The following PBX1 variants were observed in gnomAD, a reference collection of about 807,000 sequenced individuals.
The protein encoded by PBX1 is PBX homeobox 1.
PBX1 carries 6 observed loss-of-function variants against 53.4 expected under a neutral mutation model. That is an observed-to-expected ratio of 0.11 (90% CI 0.06 to 0.22). The LOEUF is 0.22. PBX1 is among the 10% of genes least tolerant of loss of function. The pLI, the probability that PBX1 is intolerant of heterozygous loss-of-function variation, is 1.00. For missense variants in PBX1, 251 were observed against 551.4 expected (o/e 0.46, Z 5.46); for synonymous variants, 204 against 212.3 (o/e 0.96, Z 0.34).
intron 2 of PBX1, among the ~76,000 whole-genome samples, chr1:164,714,910 T>C (rs1009896558): frequency 3.9e-5 from 6 of 152,252 alleles, no homozygotes; most frequent in Admixed American, 3.3e-4. Flanking sequence ...TTTTGATGAC[T>C]ATTTTGTGAT....
chr1:164,734,349 A>AC (rs1665157197), intron 2 of PBX1, among the ~76,000 whole-genome samples: 1 of 152,238 alleles, frequency 6.6e-6, no homozygotes, highest in Non-Finnish European at 1.5e-5. Flanking sequence ...TACAGAAAAT[A>AC]TAAAAACTAC....
intron 2 of PBX1, among the ~76,000 whole-genome samples, chr1:164,749,546 G>A (rs140587730): frequency 1.8e-3 from 267 of 152,232 alleles, no homozygotes; most frequent in African/African-American, 5.8e-3. Context: ...TCAGGTATTT[G>A]ATTTGGAGTT....
At chr1:164,821,154 T>A (rs1670135447) in intron 7 of PBX1, among the ~76,000 whole-genome samples, 1 of 152,140 alleles carries the variant, frequency 6.6e-6, no homozygotes, top group South Asian at 2.1e-4. Flanking sequence ...TTTTATAGGA[T>A]ACCCAGCAAA....
intron 2 of PBX1, among the ~76,000 whole-genome samples, chr1:164,719,051 C>G (rs1460308583): frequency 6.6e-6 from 1 of 152,128 alleles, no homozygotes; most frequent in Non-Finnish European, 1.5e-5. Flanking sequence ...CAGAATTCTA[C>G]TCAGCCTTGC....
At chr1:164,883,109 G>A (rs922638500) in intron 2 of PBX1, among the ~76,000 whole-genome samples, 1 of 152,164 alleles carries the variant, frequency 6.6e-6, no homozygotes, top group African/African-American at 2.4e-5. Context: ...TCTTGCTAGA[G>A]AATCTATTCT....
At chr1:164,728,047 G>A (rs569249576) in intron 2 of PBX1, among the ~76,000 whole-genome samples, 2 of 152,302 alleles carry the variant, frequency 1.3e-5, no homozygotes, top group Admixed American at 1.3e-4. Flanking sequence ...GAGCCAGGCT[G>A]GGCGTGGTGG....
intron 2 of PBX1, among the ~76,000 whole-genome samples, chr1:164,585,826 T>C (rs1179393948): frequency 6.6e-6 from 1 of 152,226 alleles, no homozygotes; most frequent in Non-Finnish European, 1.5e-5. Context: ...TTTCTTTACA[T>C]CCAATGTTCA....
At chr1:164,825,142 C>T (rs999102540) in intron 8 of PBX1, among the ~76,000 whole-genome samples, 8 of 152,132 alleles carry the variant, frequency 5.3e-5, no homozygotes, top group African/African-American at 1.9e-4. Flanking sequence ...CCTCATTACC[C>T]ATTTTTCCCC....
At chr1:164,683,435 G>A (rs1661907861) in intron 2 of PBX1, 1 of 152,196 alleles carries the variant, frequency 6.6e-6, no homozygotes, top group Non-Finnish European at 1.5e-5. Context: ...AAGGAGATAA[G>A]CCAGGTACAT....
chr1:164,748,355 G>A (rs1324437512), intron 2 of PBX1, among the ~76,000 whole-genome samples: 1 of 152,052 alleles, frequency 6.6e-6, no homozygotes, highest in Non-Finnish European at 1.5e-5. Flanking sequence ...CAGAGGCCAA[G>A]AGATAATTAA....
intron 3 of PBX1, 74 bp from the exon 4 acceptor site, chr1:164,799,617 CCCACGTGG>C: frequency 8.0e-7 from 1 of 1,245,060 alleles, no homozygotes; most frequent in Non-Finnish European, 1.1e-6. Context: ...TCTAGAAAAG[CCCACGTGG>C]CCTAATGTCA....
intron 2 of PBX1, among the ~76,000 whole-genome samples, chr1:164,592,631 T>C (rs1172142689): frequency 2.6e-5 from 4 of 152,194 alleles, no homozygotes; most frequent in Admixed American, 2.6e-4. Flanking sequence ...GGGAATGGCC[T>C]TGTTGGAATT....
intron 4 of PBX1, among the ~76,000 whole-genome samples, chr1:164,800,108 C>G (rs1310916806): frequency 6.6e-6 from 1 of 152,174 alleles, no homozygotes; most frequent in Non-Finnish European, 1.5e-5. Context: ...TACTGTTATG[C>G]ACTCTGGGTA....
At chr1:164,609,601 T>A (rs1260527976) in intron 2 of PBX1, among the ~76,000 whole-genome samples, 2 of 152,182 alleles carry the variant, frequency 1.3e-5, no homozygotes, top group African/African-American at 4.8e-5. Context: ...TCCTCTGAGA[T>A]TCTCGGCTTC....
intron 2 of PBX1, among the ~76,000 whole-genome samples, chr1:164,717,159 A>G (rs1302068976): frequency 3.9e-5 from 6 of 152,208 alleles, no homozygotes. Context: ...GATACTGGTT[A>G]GTAGTGTGTC....
At position 164,849,366 on chromosome 1, in the gene PBX1, C is replaced by G. The variant is rs1237007607; in HGVS notation, c.*2690C>G. Reference sequence around the variant, plus strand: ...ACCTCCCCCGGCACCCCCGGCAAGCCCACTATCACTTCCGACTTCCAACGT... The same window carrying G: ...ACCTCCCCCGGCACCCCCGGCAAGCGCACTATCACTTCCGACTTCCAACGT... On this transcript the variant is annotated 3_prime_UTR_variant, in exon 9 of 9. Transcript: ENST00000420696. 4 of 1,535,708 alleles carry G rather than the reference C, an allele frequency of 2.6e-6. No individual in the cohort carries two copies. In the South Asian group the frequency reaches 3.6e-5, roughly 14 times the overall value.
intron 2 of PBX1, among the ~76,000 whole-genome samples, chr1:164,579,828 A>G (rs1472921047): frequency 1.3e-5 from 2 of 152,172 alleles, no homozygotes; most frequent in East Asian, 1.9e-4. Context: ...TCTCCTGTTC[A>G]TATGTAATAG....
chr1:164,630,796 A>G (rs1035675097), intron 2 of PBX1, among the ~76,000 whole-genome samples: 5 of 152,188 alleles, frequency 3.3e-5, no homozygotes, highest in Admixed American at 6.5e-5. Flanking sequence ...GTCTTGTGCA[A>G]TCTTTGGATC....
intron 4 of PBX1, 66 bp downstream of exon 4, chr1:164,799,955 C>A (rs1668985806): frequency 2.8e-6 from 4 of 1,430,628 alleles, no homozygotes; most frequent in East Asian, 4.7e-5. Flanking sequence ...GAGTCCACAG[C>A]CGCTGCCCCC....
Sources: allele counts gnomAD v4.1 joint callset (sites outside exome capture counted in the v4.1 genomes callset), GRCh38; gene constraint gnomAD v4.1.1; transcripts MANE v1.5; gene names NCBI Gene and HGNC (gene_info 2026-07-23, HGNC 2026-07-21).